The following TOM1L2 variants were observed in gnomAD, a reference collection of about 807,000 sequenced individuals.
TOM1L2 encodes the protein TOM1-like protein 2.
In TOM1L2, 31 loss-of-function variants were observed where a neutral mutation model predicts 67.9. The ratio of observed to expected loss-of-function variants is 0.46; its 90% CI spans 0.34 to 0.62. The LOEUF is 0.62. Ranked by LOEUF, TOM1L2 falls within the 20% of genes least tolerant of loss-of-function variation. The probability of loss-of-function intolerance (pLI) is 0.01; values close to 1 mark genes in which losing one functional copy is unlikely to be tolerated. For missense variants in TOM1L2, 606 were observed against 663.5 expected, an observed-to-expected ratio of 0.91 and a Z score of 0.95; for synonymous variants, 256 against 254.0, an observed-to-expected ratio of 1.01 and a Z score of -0.07.
At chr17:17,924,789 C>T (rs2040018350) in intron 1 of TOM1L2, among the ~76,000 whole-genome samples, 1 of 152,114 alleles carries the variant, frequency 6.6e-6, no homozygotes, top group African/African-American at 2.4e-5. Flanking sequence ...ATTCTTAAAA[C>T]TTCTCAAATA....
At position 17,907,491 on chromosome 17, in the gene TOM1L2, C is replaced by T. The variant is rs150069096; in HGVS notation, c.93G>A (p.Thr31=). 3 of 1,614,086 alleles carry T rather than the reference C, an allele frequency of 1.9e-6. No individual in the cohort carries two copies. The highest frequency in any genetic ancestry group is 2.5e-6 in the Non-Finnish European group (3 of 1,179,986). Residue 31 remains threonine, a synonymous_variant, in exon 2 of 15, where the codon ACG becomes ACA. Coordinates refer to ENST00000379504, the MANE Select transcript of TOM1L2 (RefSeq NM_001082968.2). ...TGATGTCACAGATCTCCATATTCAA[C>T]GTCCAATCCTCACTTTGCAGGGAGC... ...TDGSLQSEDW[T]LNMEICDIIN...
chr17:17,947,068 A>G (rs2040982098), intron 1 of TOM1L2, among the ~76,000 whole-genome samples: 1 of 151,904 alleles, frequency 6.6e-6, no homozygotes, highest in Non-Finnish European at 1.5e-5. Flanking sequence ...GGGTTAGGAA[A>G]GTACTAACTA....
At chr17:17,921,482 T>C (rs112490308) in intron 1 of TOM1L2, among the ~76,000 whole-genome samples, 38 of 151,832 alleles carry the variant, frequency 2.5e-4, no homozygotes, top group African/African-American at 8.9e-4. Flanking sequence ...TGTGAGTCAG[T>C]GTGTGAGAGT....
chr17:17,916,402 G>A (rs898781796), intron 1 of TOM1L2, among the ~76,000 whole-genome samples: 2 of 151,962 alleles, frequency 1.3e-5, no homozygotes, highest in Non-Finnish European at 2.9e-5. Flanking sequence ...TTTTCCCTTC[G>A]CTCTTATGTT....
Position 17,844,657 on chromosome 17 carries a change from C to T in TOM1L2, c.*2978G>A, listed in dbSNP as rs1186079124. On this transcript the variant is annotated 3_prime_UTR_variant, in exon 15 of 15. Transcript: ENST00000379504. ...GCTCAGTGCCTGGAGACTGCCCAGG[C>T]AGGGCTACTCTGCAGCAGGCAGGCC... 1 of 152,248 alleles carries T rather than the reference C, an allele frequency of 6.6e-6. No homozygotes were observed. The highest frequency in any genetic ancestry group is 1.5e-5 in the Non-Finnish European group (1 of 68,050). The allele number at this position is 152,248 out of a possible 1,614,324, so 9.4% of individuals were successfully genotyped here.
In TOM1L2 at chr17:17,963,470, G is replaced by A. The variant is rs566521951; in HGVS notation, c.52+8792C>T. On this transcript the variant is annotated intron_variant, in intron 1 of 14. Transcript: ENST00000379504. ...GCCCCTGGCTGGAGAGGACCGCTCCGCCTACTTGAGCCAGGAAACCTTGGG... is the reference window on the plus strand; with the variant it reads ...GCCCCTGGCTGGAGAGGACCGCTCCACCTACTTGAGCCAGGAAACCTTGGG... 1.6e-4 allele frequency among the ~76,000 whole-genome samples: 25 copies of A among 152,322 alleles called. No homozygotes were observed. The South Asian group carries it at 2.1e-3, about 13-fold the overall frequency.
intron 4 of TOM1L2, among the ~76,000 whole-genome samples, chr17:17,890,425 A>G (rs2038216323): frequency 6.6e-6 from 1 of 152,218 alleles, no homozygotes; most frequent in African/African-American, 2.4e-5. Flanking sequence ...ATTCCCATTA[A>G]AAAGGAATAT....
chr17:17,946,922 A>G (rs2040975968), intron 1 of TOM1L2, among the ~76,000 whole-genome samples: 1 of 152,156 alleles, frequency 6.6e-6, no homozygotes, highest in African/African-American at 2.4e-5. Context: ...ATGGAGTTTT[A>G]CCACGTTGGC....
intron 10 of TOM1L2, among the ~76,000 whole-genome samples, chr17:17,863,579 T>C (rs952290214): frequency 3.3e-5 from 5 of 151,496 alleles, no homozygotes; most frequent in African/African-American, 7.3e-5. Flanking sequence ...TTTTTTTTTT[T>C]TTTTAAAGAG....
At chr17:17,885,312 T>C (rs1231868962) in intron 4 of TOM1L2, among the ~76,000 whole-genome samples, 1 of 152,262 alleles carries the variant, frequency 6.6e-6, no homozygotes, top group African/African-American at 2.4e-5. Flanking sequence ...AGACAACTAA[T>C]GCTGAGCTTG....
At chr17:17,875,113 C>T (rs1229583469) in intron 7 of TOM1L2, among the ~76,000 whole-genome samples, 1 of 151,966 alleles carries the variant, frequency 6.6e-6, no homozygotes, top group Non-Finnish European at 1.5e-5. Flanking sequence ...AAAAATTAGC[C>T]AGGCATGATG....
intron 11 of TOM1L2, 102 bp downstream of exon 11, chr17:17,862,629 C>A: frequency 1.0e-6 from 1 of 990,474 alleles, no homozygotes; most frequent in Non-Finnish European, 1.6e-6. Context: ...TCCTGGCAGT[C>A]CTGGACATGG....
At chr17:17,866,950 T>C in intron 8 of TOM1L2, 26 bp from the exon 9 acceptor site, 1 of 1,612,804 alleles carries the variant, frequency 6.2e-7, no homozygotes, top group Non-Finnish European at 8.5e-7. Flanking sequence ...AAAGCAGAAG[T>C]AAGGAGAGAG....
intron 1 of TOM1L2, among the ~76,000 whole-genome samples, chr17:17,923,656 C>T (rs1327820782): frequency 6.6e-6 from 1 of 151,648 alleles, no homozygotes; most frequent in Non-Finnish European, 1.5e-5. Flanking sequence ...CACCACTGCA[C>T]TCCAGCCTGG....
chr17:17,939,927 C>T (rs981939511), intron 1 of TOM1L2, among the ~76,000 whole-genome samples: 2 of 151,910 alleles, frequency 1.3e-5, no homozygotes, highest in South Asian at 2.1e-4. Context: ...TGTGGTGGCT[C>T]ATGCCTGTAA....
At chr17:17,964,472 G>A (rs1474541756) in intron 1 of TOM1L2, among the ~76,000 whole-genome samples, 1 of 152,224 alleles carries the variant, frequency 6.6e-6, no homozygotes, top group Non-Finnish European at 1.5e-5. Context: ...AAATACAAAA[G>A]TATTCCATTA....
chr17:17,957,223 C>A (rs1398154039), intron 1 of TOM1L2, among the ~76,000 whole-genome samples: 3 of 152,244 alleles, frequency 2.0e-5, no homozygotes, highest in African/African-American at 7.2e-5. Flanking sequence ...TCAAGCAATC[C>A]TCCTGCCTTG....
intron 6 of TOM1L2, among the ~76,000 whole-genome samples, chr17:17,880,766 T>TC (rs2037680946): frequency 6.6e-6 from 1 of 152,156 alleles, no homozygotes; most frequent in Non-Finnish European, 1.5e-5. Context: ...GCTGTGAGTT[T>TC]CCCATGCGGC....
chr17:17,942,615 C>T (rs902871806), intron 1 of TOM1L2, among the ~76,000 whole-genome samples: 4 of 152,098 alleles, frequency 2.6e-5, no homozygotes, highest in Non-Finnish European at 5.9e-5. Flanking sequence ...TATTATGTCC[C>T]CCATTTTAAA....
Sources: allele counts gnomAD v4.1 joint callset (sites outside exome capture counted in the v4.1 genomes callset), GRCh38; gene constraint gnomAD v4.1.1; transcripts MANE v1.5; gene names NCBI Gene and HGNC (gene_info 2026-07-23, HGNC 2026-07-21).